Variants in TOP2B observed in about 807,000 individuals in gnomAD.
TOP2B encodes DNA topoisomerase II beta.
In TOP2B, 51 loss-of-function variants were observed where a neutral mutation model predicts 193.5. That is an observed-to-expected ratio of 0.26 (90% CI 0.21 to 0.33). The LOEUF is 0.33. Ranked by LOEUF, TOP2B falls within the 10% of genes least tolerant of loss-of-function variation. The probability of loss-of-function intolerance (pLI) is 1.00; values close to 1 mark genes in which losing one functional copy is unlikely to be tolerated. For missense variants in TOP2B, 1,378 were observed against 1,909.3 expected, an observed-to-expected ratio of 0.72 and a Z score of 5.19; for synonymous variants, 634 against 635.7, an observed-to-expected ratio of 1.00 and a Z score of 0.04.
At chr3:25,598,804 G>GGTAA (rs1290471679) in intron 35 of TOP2B, among the ~76,000 whole-genome samples, 1 of 152,108 alleles carries the variant, frequency 6.6e-6, no homozygotes, top group African/African-American at 2.4e-5. Context: ...CTGTCCTACT[G>GGTAA]GTAAGTACAT....
intron 35 of TOP2B, among the ~76,000 whole-genome samples, chr3:25,598,851 C>T (rs1293326846): frequency 3.9e-5 from 6 of 152,024 alleles, no homozygotes; most frequent in Non-Finnish European, 5.9e-5. Context: ...ACTCCTGCAC[C>T]GTGTGTAGTA....
chr3:25,625,462 C>G (rs552650702), intron 18 of TOP2B, among the ~76,000 whole-genome samples: 1 of 152,298 alleles, frequency 6.6e-6, no homozygotes, highest in Non-Finnish European at 1.5e-5. Context: ...CAAGCTTGTC[C>G]AACCCGTGGC....
intron 1 of TOP2B, among the ~76,000 whole-genome samples, chr3:25,648,279 G>C (rs1007585992): frequency 6.6e-6 from 1 of 152,150 alleles, no homozygotes; most frequent in Non-Finnish European, 1.5e-5. Context: ...ACTACAGCAC[G>C]AGACGCCACA....
intron 6 of TOP2B, 45 bp from the exon 7 acceptor site, chr3:25,636,193 C>A: frequency 8.2e-7 from 1 of 1,224,968 alleles, no homozygotes; most frequent in Non-Finnish European, 1.1e-6. Context: ...GCTTCCATAT[C>A]TCATAATATA....
chr3:25,611,608 A>G (rs1483885818), intron 28 of TOP2B, among the ~76,000 whole-genome samples: 2 of 152,128 alleles, frequency 1.3e-5, no homozygotes, highest in African/African-American at 4.8e-5. Flanking sequence ...CTGTTTCCTC[A>G]GCTCTGAACA....
In TOP2B at chr3:25,605,968, C is replaced by T. The variant is rs752043841; in HGVS notation, c.4378+75G>A. The T allele has an allele frequency of 4.1e-5, 33 of 809,534 alleles. No individual in the cohort carries two copies. In the East Asian group the frequency reaches 6.9e-4, roughly 17 times the overall value. The allele number at this position is 809,534 out of a possible 1,614,324, so 50.1% of individuals were successfully genotyped here. A position where few individuals can be genotyped will look rare whatever the true frequency, so the allele number is the denominator to read the frequency against. ...ATTCTGAAGTTAAATCATGACCTAA[C>T]GATTTATTTACTGTTTTCTCTCCAC... On this transcript the variant is annotated intron_variant, in intron 32 of 35. Coordinates refer to ENST00000264331, the MANE Select transcript of TOP2B (RefSeq NM_001330700.2).
Position 25,664,196 on chromosome 3 carries a change from T to C in TOP2B, c.69+33A>G, listed in dbSNP as rs1402184142. The C allele has an allele frequency of 6.7e-6, 10 of 1,486,750 alleles. No individual in the cohort carries two copies. The East Asian group carries it at 1.1e-4, about 16-fold the overall frequency. The allele number at this position is 1,486,750 out of a possible 1,614,324, so 92.1% of individuals were successfully genotyped here. ...CGCCCCCGCCGCGGGCCCGGAACAA[T>C]GCAGCCGCCCGTCCCGGGGACCAGC... On this transcript the variant is annotated intron_variant, in intron 1 of 35. Transcript: ENST00000264331.
intron 21 of TOP2B, among the ~76,000 whole-genome samples, chr3:25,622,848 G>A (rs1702695192): frequency 6.6e-6 from 1 of 152,108 alleles, no homozygotes; most frequent in Admixed American, 6.5e-5. Context: ...ACCTGGTTTG[G>A]TCAGGCTGGC....
intron 33 of TOP2B, among the ~76,000 whole-genome samples, chr3:25,602,903 AT>A (rs1034836981): frequency 6.6e-6 from 1 of 152,180 alleles, no homozygotes; most frequent in African/African-American, 2.4e-5. Context: ...GATATGATGC[AT>A]CCTCTTCTTG....
At position 25,638,113 on chromosome 3, in the gene TOP2B, T is replaced by C. The variant is rs190518575; in HGVS notation, c.541+52A>G. The C allele has an allele frequency of 5.1e-5, 75 of 1,477,460 alleles. No homozygotes were observed. In the African/African-American group the frequency reaches 8.8e-4, roughly 17 times the overall value. The allele number at this position is 1,477,460 out of a possible 1,614,324, so 91.5% of individuals were successfully genotyped here. The stretch of plus-strand genomic sequence containing the variant: ...CACAATTTCCTTAGTAAGTTATACA[T>C]TTTATATTAAGAAAACAGTATTTTT... On this transcript the variant is annotated intron_variant, in intron 5 of 35. Transcript: ENST00000264331.
In TOP2B at chr3:25,609,241, A is replaced by C; in HGVS notation, c.4035T>G (p.Asp1345Glu). ...TAACCACAGGTTCTGTTTCTTCCAA[A>C]TCACTTTCTGACTTGGATTCATCAT... ...WSDDESKSES[D>E]LEETEPVVIP... The change falls in exon 30 of 36, where the codon GAT becomes GAG. Residue 1345 changes from aspartate (D) to glutamate (E), a missense_variant. By Grantham distance (45) the Asp-to-Glu change is conservative (BLOSUM62 2). Around this residue, in one of 9 missense-constraint regions of TOP2B, gnomAD observed 556 missense variants for 584.2 expected, o/e 0.95. Coordinates refer to ENST00000264331, the MANE Select transcript of TOP2B (RefSeq NM_001330700.2). The C allele has an allele frequency of 6.2e-7, 1 of 1,607,612 alleles. No homozygotes were observed. The highest frequency in any genetic ancestry group is 8.5e-7 in the Non-Finnish European group (1 of 1,176,476).
In TOP2B at chr3:25,609,693, G is replaced by T. The variant is rs761346137; in HGVS notation, c.3806C>A (p.Ala1269Glu). Reference sequence around the variant, plus strand: ...TTCTTCATCAAATTCCACTTTTACTGCTGCAGTATCAAGATCACCCTACAT... The same window carrying T: ...TTCTTCATCAAATTCCACTTTTACTTCTGCAGTATCAAGATCACCCTACAT... ...KKKKGDLDTAAVKVEFDEEFS... is the reference protein window; with the variant it reads ...KKKKGDLDTAEVKVEFDEEFS... The change falls in exon 29 of 36, where the codon GCA becomes GAA. Residue 1269 changes from alanine (A) to glutamate (E), a missense_variant. Ala to Glu is a moderately radical substitution (Grantham distance 107). Coordinates refer to ENST00000264331, the MANE Select transcript of TOP2B (RefSeq NM_001330700.2). 1.3e-6 allele frequency: 2 copies of T among 1,505,614 alleles called. No homozygotes were observed. The highest frequency in any genetic ancestry group is 1.8e-6 in the Non-Finnish European group (2 of 1,133,390). 93.3% of individuals were successfully genotyped at this position (1,505,614 alleles called of 1,614,324 possible).
At chr3:25,603,930 C>A (rs1881707) in intron 33 of TOP2B, among the ~76,000 whole-genome samples, 50,811 of 152,036 alleles carry the variant, frequency 0.33, 9,108 homozygotes, top group African/African-American at 0.46. Context: ...CCTCAGGCAA[C>A]GAAAGGCAGA....
chr3:25,652,634 C>A (rs537911406), intron 1 of TOP2B, among the ~76,000 whole-genome samples: 99 of 152,046 alleles, frequency 6.5e-4, no homozygotes, highest in African/African-American at 2.3e-3. Context: ...CAAATGAAAA[C>A]CAAAACACAA....
intron 26 of TOP2B, 25 bp from the exon 27 acceptor site, chr3:25,615,313 A>G (rs771737404): frequency 6.9e-6 from 11 of 1,591,320 alleles, no homozygotes; most frequent in African/African-American, 1.4e-5. Flanking sequence ...TACAGTTTAA[A>G]CATTCAATAG....
intron 18 of TOP2B, among the ~76,000 whole-genome samples, chr3:25,626,042 A>G (rs1413424551): frequency 2.0e-5 from 3 of 152,144 alleles, no homozygotes; most frequent in Non-Finnish European, 4.4e-5. Flanking sequence ...AAGATCAACA[A>G]ACTTCATAAA....
intron 15 of TOP2B, among the ~76,000 whole-genome samples, chr3:25,627,734 G>C (rs1702842972): frequency 6.6e-6 from 1 of 152,044 alleles, no homozygotes; most frequent in South Asian, 2.1e-4. Flanking sequence ...TCAACCAAAT[G>C]CAATGTGTGG....
intron 18 of TOP2B, among the ~76,000 whole-genome samples, chr3:25,625,474 C>T (rs1454479033): frequency 6.6e-6 from 1 of 152,124 alleles, no homozygotes; most frequent in African/African-American, 2.4e-5. Flanking sequence ...ACCCGTGGCC[C>T]GTGGGCTGCA....
chr3:25,599,998 T>A (rs1027724771), intron 34 of TOP2B, among the ~76,000 whole-genome samples: 1 of 152,198 alleles, frequency 6.6e-6, no homozygotes, highest in Non-Finnish European at 1.5e-5. Flanking sequence ...GGTCTAAATG[T>A]TTACTCCGTT....
Sources: allele counts gnomAD v4.1 joint callset (sites outside exome capture counted in the v4.1 genomes callset), GRCh38; gene constraint gnomAD v4.1.1; regional missense constraint gnomAD v4.1.1; transcripts MANE v1.5; gene names NCBI Gene and HGNC (gene_info 2026-07-23, HGNC 2026-07-21).